POMT2: variants seen among roughly 807,000 people sequenced by gnomAD.
POMT2 encodes protein O-mannosyltransferase 2.
POMT2 carries 75 observed loss-of-function variants against 100.0 expected under a neutral mutation model. The observed-to-expected ratio is 0.75, with a 90% CI of 0.62 to 0.91. The LOEUF (loss-of-function observed/expected upper bound fraction) is 0.91. POMT2 is among the 40% of genes least tolerant of loss of function. POMT2 has a pLI of 0.00. For missense variants in POMT2, 940 were observed against 955.1 expected, an observed-to-expected ratio of 0.98 and a Z score of 0.21; for synonymous variants, 378 against 374.1, an observed-to-expected ratio of 1.01 and a Z score of -0.12.
In POMT2 at chr14:77,308,502, C is replaced by A. The variant is rs531020821; in HGVS notation, c.334-2061G>T. ...TCCCAAGTAGCTAGGATTACAGGCA[C>A]CTGCCACCACGCCCGGCTAATTTTT... On this transcript the variant is annotated intron_variant, in intron 2 of 20. Transcript: ENST00000261534. Among the ~76,000 whole-genome samples the A allele has an allele frequency of 2.3e-4, 34 of 150,822 alleles. No homozygotes were observed. The East Asian group carries it at 6.7e-3, about 30-fold the overall frequency.
At chr14:77,303,591 CACCAGAACT>C (rs1301426473) in intron 4 of POMT2, among the ~76,000 whole-genome samples, 45 of 152,288 alleles carry the variant, frequency 3.0e-4, no homozygotes, top group African/African-American at 1.1e-3. Flanking sequence ...CAGAGGTCCA[CACCAGAACT>C]ACAGTACATG....
chr14:77,278,909 CG>C (rs766691095), intron 18 of POMT2, 40 bp from the exon 19 acceptor site: 119 of 1,600,838 alleles, frequency 7.4e-5, no homozygotes, highest in Non-Finnish European at 1.0e-4. Flanking sequence ...AGACAAGGAG[CG>C]GGCAGAGATT....
intron 15 of POMT2, among the ~76,000 whole-genome samples, chr14:77,281,025 C>G (rs964775625): frequency 6.6e-6 from 1 of 151,918 alleles, no homozygotes; most frequent in African/African-American, 2.4e-5. Flanking sequence ...ACCCAAGAGG[C>G]GGAGGTTGCA....
intron 4 of POMT2, 74 bp downstream of exon 4, chr14:77,304,617 TG>T (rs1379041937): frequency 4.1e-5 from 63 of 1,541,602 alleles, no homozygotes; most frequent in Non-Finnish European, 5.3e-5. Flanking sequence ...GGCCCTTGAA[TG>T]TACTGATTTT....
intron 4 of POMT2, among the ~76,000 whole-genome samples, chr14:77,303,827 T>G (rs1370366760): frequency 6.6e-6 from 1 of 152,216 alleles, no homozygotes; most frequent in East Asian, 1.9e-4. Context: ...ATTCATTTAC[T>G]TGTTTATTTA....
chr14:77,279,621 C>T (rs1212388616), intron 18 of POMT2: 1 of 694,412 alleles, frequency 1.4e-6, no homozygotes, highest in Non-Finnish European at 2.6e-6. Context: ...ATAGCCAACG[C>T]TCTAGTGTTG....
intron 1 of POMT2, among the ~76,000 whole-genome samples, chr14:77,316,826 G>C (rs755913466): frequency 1.3e-5 from 2 of 152,210 alleles, no homozygotes; most frequent in Non-Finnish European, 2.9e-5. Context: ...TGATAACTCT[G>C]GATGGCTGAT....
At chr14:77,279,796 GGGGA>G (rs1566643754) in intron 18 of POMT2, 23 bp downstream of exon 18, 1 of 1,603,956 alleles carries the variant, frequency 6.2e-7, no homozygotes, top group Admixed American at 1.7e-5. Flanking sequence ...CGCCAGGTCA[GGGGA>G]GGGAGAGCCC....
chr14:77,298,301 A>G (rs1162600507), intron 8 of POMT2, among the ~76,000 whole-genome samples: 1 of 152,172 alleles, frequency 6.6e-6, no homozygotes, highest in Non-Finnish European at 1.5e-5. Context: ...ACCAGGCTCC[A>G]TCTCTGGAGG....
At chr14:77,298,592 G>T (rs1009238851) in intron 8 of POMT2, 97 bp downstream of exon 8, 33 of 1,334,104 alleles carry the variant, frequency 2.5e-5, no homozygotes, top group Non-Finnish European at 3.4e-5. Context: ...GCCATCACAG[G>T]CTAAAATAAC....
chr14:77,279,214 G>T, intron 18 of POMT2: 1 of 409,082 alleles, frequency 2.4e-6, no homozygotes, highest in Non-Finnish European at 4.6e-6. Context: ...GCGGCAGACA[G>T]GCGCTAAGGT....
chr14:77,305,035 C>T (rs1891176644), intron 3 of POMT2, among the ~76,000 whole-genome samples: 1 of 152,140 alleles, frequency 6.6e-6, no homozygotes, highest in Non-Finnish European at 1.5e-5. Context: ...ATGAAATCAG[C>T]AAGTTCAGCC....
chr14:77,279,810 C>T lies in POMT2; in HGVS notation c.1891+13G>A, dbSNP rs2140166262. 6.2e-7 allele frequency: 1 copy of T among 1,610,646 alleles called. No individual in the cohort carries two copies. The highest frequency in any genetic ancestry group is 8.5e-7 in the Non-Finnish European group (1 of 1,178,966). On this transcript the variant is annotated intron_variant, in intron 18 of 20. Coordinates refer to ENST00000261534, the MANE Select transcript of POMT2 (RefSeq NM_013382.7). The stretch of plus-strand genomic sequence containing the variant: ...CCGCCAGGTCAGGGGAGGGAGAGCC[C>T]AGAGGACCTGACCTGCAACCTCCGC...
At chr14:77,286,616 A>G (rs1566648120) in intron 12 of POMT2, 128 bp downstream of exon 12, 34 of 1,372,364 alleles carry the variant, frequency 2.5e-5, no homozygotes, top group East Asian at 1.2e-4. Flanking sequence ...AAATGTTAAG[A>G]GAGTCCCTGT....
At chr14:77,286,076 A>C (rs978210527) in intron 12 of POMT2, among the ~76,000 whole-genome samples, 1 of 152,218 alleles carries the variant, frequency 6.6e-6, no homozygotes, top group African/African-American at 2.4e-5. Flanking sequence ...AAATTAAGAC[A>C]TGTATGTCTA....
intron 1 of POMT2, among the ~76,000 whole-genome samples, chr14:77,315,166 C>T (rs1891580618): frequency 6.6e-6 from 1 of 152,188 alleles, no homozygotes; most frequent in Non-Finnish European, 1.5e-5. Flanking sequence ...GGATGTACTA[C>T]ACACAGAGGT....
At chr14:77,296,957 C>T (rs1462405401) in intron 8 of POMT2, among the ~76,000 whole-genome samples, 1 of 152,184 alleles carries the variant, frequency 6.6e-6, no homozygotes, top group Non-Finnish European at 1.5e-5. Context: ...CCTGGAAGAG[C>T]CCTGTCTACA....
At chr14:77,296,121 G>C in intron 9 of POMT2, 43 bp downstream of exon 9, 1 of 1,437,876 alleles carries the variant, frequency 7.0e-7, no homozygotes, top group Non-Finnish European at 9.6e-7. Context: ...CTGTCATGGC[G>C]AACAGCATTG....
Position 77,320,863 on chromosome 14 carries a change from C to G in POMT2, c.-182G>C. 2.4e-6 allele frequency: 3 copies of G among 1,260,132 alleles called. No individual in the cohort carries two copies. The highest frequency in any genetic ancestry group is 3.1e-6 in the Non-Finnish European group (3 of 978,170). 78.1% of individuals were successfully genotyped at this position (1,260,132 alleles called of 1,614,324 possible). A position where few individuals can be genotyped will look rare whatever the true frequency, so the allele number is the denominator to read the frequency against. On this transcript the variant is annotated 5_prime_UTR_variant, in exon 1 of 21. Transcript: ENST00000261534. Reference sequence around the variant, plus strand: ...GGCAGCGTGGTCGCGGCCCGGGCCGCTAGGAGGCGGCAGGAGGCGCAGAGC... The same window carrying G: ...GGCAGCGTGGTCGCGGCCCGGGCCGGTAGGAGGCGGCAGGAGGCGCAGAGC...
Sources: gnomAD v4.1 joint callset for allele counts (sites outside exome capture counted in the v4.1 genomes callset) on GRCh38, gnomAD v4.1.1 for gene constraint, MANE v1.5 for transcripts, NCBI Gene and HGNC (gene_info 2026-07-23, HGNC 2026-07-21) for gene names.